Variants in INVS observed in about 807,000 individuals in gnomAD.
INVS encodes inversin, also known as inversion of embryo turning homolog.
Under a neutral mutation model 108.8 loss-of-function variants are expected in INVS, and 86 were observed. That is an observed-to-expected ratio of 0.79 (90% CI 0.66 to 0.95). INVS has a LOEUF of 0.95. Ranked by LOEUF, INVS falls within the 40% of genes least tolerant of loss-of-function variation. The pLI, the probability that INVS is intolerant of heterozygous loss-of-function variation, is 0.00. For synonymous variants in INVS, 455 were observed against 473.5 expected, an observed-to-expected ratio of 0.96 and a Z score of 0.51; for missense variants, 1,169 against 1,297.4, an observed-to-expected ratio of 0.90 and a Z score of 1.52.
At chr9:100,152,008 G>C (rs1828822636) in intron 3 of INVS, among the ~76,000 whole-genome samples, 2 of 152,092 alleles carry the variant, frequency 1.3e-5, no homozygotes, top group African/African-American at 4.8e-5. Context: ...ATATGGCCGT[G>C]GTTGTTGGAC....
Position 100,187,525 on chromosome 9 carries a change from C to CTTTTTTTTTTTTTTTTTT in INVS, c.274-38535_274-38518dup, listed in dbSNP as rs34728274. 4.7e-5 allele frequency among the ~76,000 whole-genome samples: 5 copies of CTTTTTTTTTTTTTTTTTT among 105,560 alleles called. 1 individual carries two copies. The highest frequency in any genetic ancestry group is 9.0e-5 in the Non-Finnish European group (5 of 55,594). The allele number at this position is 105,560 out of a possible 152,430, so 69.3% of individuals were successfully genotyped here. On this transcript the variant is annotated intron_variant, in intron 3 of 16. Transcript: ENST00000262457. ...CATTTGTTTGTATCATCTATGATTT[C>CTTTTTTTTTTTTTTTTTT]TTTTTTTTTTTTTTTTTTTGAGACA...
intron 3 of INVS, among the ~76,000 whole-genome samples, chr9:100,189,040 T>G (rs1830139817): frequency 6.6e-6 from 1 of 151,944 alleles, no homozygotes; most frequent in Admixed American, 6.6e-5. Flanking sequence ...TCTTTTTGTA[T>G]TTCTGTGTTA....
At position 100,292,756 on chromosome 9, in the gene INVS, C is replaced by G. The variant is rs1564193603; in HGVS notation, c.2499C>G (p.Asn833Lys). The change falls in exon 14 of 17, where the codon AAC becomes AAG. Residue 833 changes from asparagine (N) to lysine (K), a missense_variant. Asn to Lys is a moderately conservative substitution (Grantham distance 94). Coordinates refer to ENST00000262457, the MANE Select transcript of INVS (RefSeq NM_014425.5). Reference protein sequence around the residue: ...QNPPHHRTPRNKVTQAKLTGG... With the variant: ...QNPPHHRTPRKKVTQAKLTGG... ...CTCCCCACCATCGTACACCAAGAAA[C>G]AAAGTGACACAAGCCAAGCTCACAG... 1 of 1,614,182 alleles carries G rather than the reference C, an allele frequency of 6.2e-7. No homozygotes were observed. The highest frequency in any genetic ancestry group is 1.1e-5 in the South Asian group (1 of 91,076).
At chr9:100,245,827 G>A (rs1260527996) in intron 7 of INVS, among the ~76,000 whole-genome samples, 1 of 152,108 alleles carries the variant, frequency 6.6e-6, no homozygotes, top group Non-Finnish European at 1.5e-5. Flanking sequence ...TTCTCTGGAG[G>A]CATGCCTGAA....
At position 100,209,764 on chromosome 9, in the gene INVS, C is replaced by T. The variant is rs571717386; in HGVS notation, c.274-16298C>T. On this transcript the variant is annotated intron_variant, in intron 3 of 16. Transcript: ENST00000262457. The stretch of plus-strand genomic sequence containing the variant: ...CAGCCTGGGCAACAGAACGAGACTC[C>T]GTCTCAAAAAAAAAAAAAAAAAAAA... Among the ~76,000 whole-genome samples the T allele has an allele frequency of 3.6e-4, 39 of 106,994 alleles. No individual in the cohort carries two copies. The East Asian group carries it at 5.5e-3, about 15-fold the overall frequency. 70.2% of individuals were successfully genotyped at this position (106,994 alleles called of 152,430 possible). A position where few individuals can be genotyped will look rare whatever the true frequency, so the allele number is the denominator to read the frequency against.
chr9:100,105,756 T>C (rs1164104276), intron 2 of INVS, among the ~76,000 whole-genome samples: 4 of 152,210 alleles, frequency 2.6e-5, no homozygotes, highest in Non-Finnish European at 1.5e-5. Context: ...GCTTCTCTAG[T>C]TTTGACCATC....
chr9:100,228,210 C>T (rs1000162238), intron 4 of INVS, among the ~76,000 whole-genome samples: 1 of 151,996 alleles, frequency 6.6e-6, no homozygotes, highest in Non-Finnish European at 1.5e-5. Context: ...AGGCTGGTCT[C>T]GAACTCCTGA....
chr9:100,202,494 C>T lies in INVS; in HGVS notation c.274-23568C>T. The stretch of plus-strand genomic sequence containing the variant: ...ATTACAGAAGAGAATGATAGAGTTT[C>T]CTGTTATACAAATTTCTTTATTTCC... On this transcript the variant is annotated intron_variant, in intron 3 of 16. Coordinates refer to ENST00000262457, the MANE Select transcript of INVS (RefSeq NM_014425.5). 1.3e-5 allele frequency among the ~76,000 whole-genome samples: 2 copies of T among 152,118 alleles called. 1 individual carries two copies. The highest frequency in any genetic ancestry group is 4.1e-4 in the South Asian group (2 of 4,830).
At chr9:100,278,464 C>T (rs1052865270) in intron 12 of INVS, among the ~76,000 whole-genome samples, 1 of 152,122 alleles carries the variant, frequency 6.6e-6, no homozygotes, top group African/African-American at 2.4e-5. Context: ...CTAGAACTCA[C>T]TGTTGGCAGG....
intron 2 of INVS, among the ~76,000 whole-genome samples, chr9:100,110,967 T>C (rs1827322619): frequency 6.6e-6 from 1 of 152,208 alleles, no homozygotes; most frequent in Non-Finnish European, 1.5e-5. Flanking sequence ...GTTGAGAAAT[T>C]TAGTTGCACA....
chr9:100,270,574 G>A (rs1039471880), intron 11 of INVS, among the ~76,000 whole-genome samples: 2 of 151,646 alleles, frequency 1.3e-5, no homozygotes, highest in South Asian at 2.1e-4. Context: ...ATGAAACCCC[G>A]TCTCTACTAA....
At chr9:100,269,497 G>C (rs529939813) in intron 11 of INVS, among the ~76,000 whole-genome samples, 75 of 152,120 alleles carry the variant, frequency 4.9e-4, no homozygotes, top group African/African-American at 1.8e-3. Context: ...CTAAAATAGA[G>C]GTTCCTTAAT....
At chr9:100,255,683 T>C (rs895137968) in intron 10 of INVS, among the ~76,000 whole-genome samples, 1 of 152,238 alleles carries the variant, frequency 6.6e-6, no homozygotes, top group African/African-American at 2.4e-5. Flanking sequence ...ATGTGGTTTT[T>C]GTCTTTGATT....
chr9:100,126,588 G>A, intron 3 of INVS, 39 bp downstream of exon 3: 3 of 1,589,074 alleles, frequency 1.9e-6, no homozygotes, highest in Non-Finnish European at 8.6e-7. Context: ...AATGTTTTGT[G>A]TGATGTCTGC....
chr9:100,187,800 G>A (rs927030037), intron 3 of INVS, among the ~76,000 whole-genome samples: 6 of 152,126 alleles, frequency 3.9e-5, no homozygotes, highest in Non-Finnish European at 5.9e-5. Context: ...GATTATAGGC[G>A]TGAGCCACTG....
intron 7 of INVS, among the ~76,000 whole-genome samples, chr9:100,243,610 A>G (rs1831949207): frequency 6.6e-6 from 1 of 152,184 alleles, no homozygotes; most frequent in African/African-American, 2.4e-5. Flanking sequence ...CTGAGTATGA[A>G]TGACCATCAA....
Position 100,252,408 on chromosome 9 carries a change from C to T in INVS, c.1204C>T (p.His402Tyr), listed in dbSNP as rs1832265801. Residue 402 changes from histidine to tyrosine, a missense_variant, in exon 9 of 17, where the codon CAC becomes TAC. This residue lies in a region of INVS where 271 missense variants were observed against 363.8 expected (regional missense o/e 0.74). Coordinates refer to ENST00000262457, the MANE Select transcript of INVS (RefSeq NM_014425.5). ...ACTTTTCCGAGCCTGTGAGATGGGA[C>T]ACAAAGATGTGATTCAGACACTCAT... The part of the protein sequence containing the change: ...TPLFRACEMG[H>Y]KDVIQTLIKG... 5 of 1,613,810 alleles carry T rather than the reference C, an allele frequency of 3.1e-6. No homozygotes were observed. In the East Asian group the frequency reaches 8.9e-5, roughly 29 times the overall value.
intron 3 of INVS, among the ~76,000 whole-genome samples, chr9:100,217,962 T>C (rs1420097118): frequency 6.6e-6 from 1 of 152,164 alleles, no homozygotes; most frequent in Non-Finnish European, 1.5e-5. Context: ...TACAAATTAA[T>C]ACAGTAAATG....
intron 3 of INVS, among the ~76,000 whole-genome samples, chr9:100,197,576 C>T (rs984547462): frequency 6.6e-6 from 1 of 152,202 alleles, no homozygotes; most frequent in African/African-American, 2.4e-5. Flanking sequence ...ACATATTCAG[C>T]TATCCTGTAC....
Sources: allele counts gnomAD v4.1 joint callset (sites outside exome capture counted in the v4.1 genomes callset), GRCh38; gene constraint gnomAD v4.1.1; regional missense constraint gnomAD v4.1.1; transcripts MANE v1.5; gene names NCBI Gene and HGNC (gene_info 2026-07-23, HGNC 2026-07-21).